Variants in SNX6 observed in about 807,000 individuals in gnomAD.
The protein encoded by SNX6 is sorting nexin 6.
A neutral mutation model predicts 63.0 loss-of-function variants in SNX6; 34 were observed. That is an observed-to-expected ratio of 0.54 (90% CI 0.41 to 0.72). The LOEUF (loss-of-function observed/expected upper bound fraction) is 0.72, where lower values mean the gene tolerates loss of function less well. Among genes scored for constraint, SNX6 ranks in the 30% least tolerant of loss-of-function variants. The probability of loss-of-function intolerance (pLI) is 0.00; values close to 1 mark genes in which losing one functional copy is unlikely to be tolerated. For missense variants in SNX6, 398 were observed against 471.4 expected, an observed-to-expected ratio of 0.84 and a Z score of 1.44; for synonymous variants, 170 against 164.2, an observed-to-expected ratio of 1.04 and a Z score of -0.27.
At chr14:34,596,924 G>A (rs1882628004) in intron 7 of SNX6, among the ~76,000 whole-genome samples, 1 of 152,032 alleles carries the variant, frequency 6.6e-6, no homozygotes, top group Non-Finnish European at 1.5e-5. Context: ...CACCCACCTT[G>A]GCCTCCCAAA....
intron 6 of SNX6, among the ~76,000 whole-genome samples, chr14:34,599,364 G>A (rs912606191): frequency 2.6e-5 from 4 of 152,138 alleles, no homozygotes; most frequent in African/African-American, 7.2e-5. Context: ...CCAGCACTTT[G>A]TGAGGCCAAG....
At chr14:34,616,103 G>A (rs1394288595) in intron 2 of SNX6, among the ~76,000 whole-genome samples, 4 of 152,060 alleles carry the variant, frequency 2.6e-5, no homozygotes, top group Non-Finnish European at 4.4e-5. Flanking sequence ...TTACAGGCAT[G>A]TGCCACCACA....
intron 2 of SNX6, among the ~76,000 whole-genome samples, chr14:34,615,828 A>C (rs1883397734): frequency 1.3e-5 from 2 of 152,214 alleles, no homozygotes; most frequent in South Asian, 4.1e-4. Flanking sequence ...ATAATGGAAA[A>C]GCCAGTCCCC....
At chr14:34,571,070 A>C (rs141710150) in intron 11 of SNX6, among the ~76,000 whole-genome samples, 375 of 152,082 alleles carry the variant, frequency 2.5e-3, no homozygotes, top group African/African-American at 8.7e-3. Flanking sequence ...CTGAGAATAT[A>C]AATTGTGTTA....
At chr14:34,566,494 G>A (rs1430390294) in intron 13 of SNX6, among the ~76,000 whole-genome samples, 5 of 152,162 alleles carry the variant, frequency 3.3e-5, no homozygotes, top group African/African-American at 1.2e-4. Context: ...GATTACAGGC[G>A]TGAGCCACCG....
At position 34,578,917 on chromosome 14, in the gene SNX6, G is replaced by A. The variant is rs1307873885; in HGVS notation, c.834+2644C>T. Among the ~76,000 whole-genome samples, 8 of 92,672 alleles carry A rather than the reference G, an allele frequency of 8.6e-5. No individual in the cohort carries two copies. In the South Asian group the frequency reaches 1.2e-3, roughly 14 times the overall value. The allele number at this position is 92,672 out of a possible 152,430, so 60.8% of individuals were successfully genotyped here. ...TCGCGCCACTGCACTCCAGCCTGGC[G>A]ACAGAGCGAGACTTCATCTCAAAAA... On this transcript the variant is annotated intron_variant, in intron 10 of 13. Transcript: ENST00000362031.
At chr14:34,606,059 A>G (rs919973224) in intron 4 of SNX6, among the ~76,000 whole-genome samples, 4 of 151,606 alleles carry the variant, frequency 2.6e-5, no homozygotes, top group African/African-American at 9.7e-5. Flanking sequence ...CTGTAATCCC[A>G]GCGACTCGGG....
intron 5 of SNX6, chr14:34,604,392 A>T: frequency 1.3e-6 from 1 of 790,042 alleles, no homozygotes; most frequent in Non-Finnish European, 1.6e-6. Flanking sequence ...TCTGTCTGCT[A>T]TCAGACCGCT....
intron 8 of SNX6, among the ~76,000 whole-genome samples, chr14:34,587,680 T>G (rs962533819): frequency 6.6e-6 from 1 of 151,600 alleles, no homozygotes; most frequent in Middle Eastern, 3.4e-3. Context: ...TGCTCAGGCA[T>G]GAGCACGGTG....
At chr14:34,586,446 C>T in intron 8 of SNX6, 141 bp from the exon 9 acceptor site, 1 of 443,152 alleles carries the variant, frequency 2.3e-6, no homozygotes, top group South Asian at 2.8e-5. Flanking sequence ...GTGGCTCATG[C>T]CTGTAATCCC....
chr14:34,582,909 T>C (rs61979715), intron 9 of SNX6, among the ~76,000 whole-genome samples: 57,124 of 151,560 alleles, frequency 0.38, 12,566 homozygotes, highest in East Asian at 0.74. Flanking sequence ...AGGCCAGGAG[T>C]TTGAGACTAG....
chr14:34,562,956 G>T lies in SNX6; in HGVS notation c.*166C>A, dbSNP rs145556290. ...GCATCACGGCACACAGACTGGCATC[G>T]CCTGGGCGTGCGCTGCTCCATGTTT... On this transcript the variant is annotated 3_prime_UTR_variant, in exon 14 of 14. Transcript: ENST00000362031. The T allele has an allele frequency of 4.6e-6, 3 of 656,246 alleles. No individual in the cohort carries two copies. The East Asian group carries it at 8.3e-5, about 18-fold the overall frequency. The allele number at this position is 656,246 out of a possible 1,614,324, so 40.7% of individuals were successfully genotyped here.
At chr14:34,575,703 C>A in intron 11 of SNX6, 53 bp downstream of exon 11, 1 of 949,106 alleles carries the variant, frequency 1.1e-6, no homozygotes, top group African/African-American at 1.7e-5. Flanking sequence ...GTCTAACAAA[C>A]TCAAGAAATG....
intron 2 of SNX6, among the ~76,000 whole-genome samples, chr14:34,615,870 A>C (rs970690506): frequency 4.6e-5 from 7 of 152,350 alleles, no homozygotes; most frequent in South Asian, 2.1e-4. Context: ...ATCAGTATAA[A>C]ATATCACTGA....
At chr14:34,592,691 G>C (rs1342613833) in intron 8 of SNX6, among the ~76,000 whole-genome samples, 2 of 152,052 alleles carry the variant, frequency 1.3e-5, no homozygotes, top group East Asian at 3.8e-4. Context: ...AGCTTTCCTA[G>C]TAGCTGGGAC....
chr14:34,628,309 A>G (rs1219418689), intron 2 of SNX6, among the ~76,000 whole-genome samples: 4 of 152,152 alleles, frequency 2.6e-5, no homozygotes, highest in Non-Finnish European at 5.9e-5. Context: ...AATACAAAAA[A>G]TTAGCCGGGC....
chr14:34,614,109 CACAAAAACAAAA>C (rs572466933), intron 2 of SNX6, among the ~76,000 whole-genome samples: 1 of 150,438 alleles, frequency 6.6e-6, no homozygotes, highest in Admixed American at 6.6e-5. Flanking sequence ...TCCATCTCAA[CACAAAAACAAAA>C]ACAAAAACAA....
intron 11 of SNX6, chr14:34,569,157 C>T (rs1881328516): frequency 1.3e-6 from 1 of 775,112 alleles, no homozygotes; most frequent in Non-Finnish European, 2.3e-6. Flanking sequence ...GCACTGCCAG[C>T]CAGGGGAAAG....
Position 34,630,137 on chromosome 14 carries a change from C to T in SNX6, c.-21G>A, listed in dbSNP as rs906650419. On this transcript the variant is annotated 5_prime_UTR_variant, in exon 1 of 14. Transcript: ENST00000362031. ...ATCATGGCTGCTCCGAGGCGAGGGC[C>T]GGCGCAGGCGCGCATCTCCCTGCTG... 2 of 1,307,576 alleles carry T rather than the reference C, an allele frequency of 1.5e-6. No homozygotes were observed. Among genetic ancestry groups the T allele is most frequent in the Non-Finnish European group, 9.7e-7 (1 of 1,033,444 alleles). The allele number at this position is 1,307,576 out of a possible 1,614,324, so 81.0% of individuals were successfully genotyped here. A position where few individuals can be genotyped will look rare whatever the true frequency, so the allele number is the denominator to read the frequency against.
Sources: allele counts gnomAD v4.1 joint callset (sites outside exome capture counted in the v4.1 genomes callset), GRCh38; gene constraint gnomAD v4.1.1; transcripts MANE v1.5; gene names NCBI Gene and HGNC (gene_info 2026-07-23, HGNC 2026-07-21).